The following DACH1 variants were observed in gnomAD, a reference collection of about 807,000 sequenced individuals.
The protein encoded by DACH1 is dachshund family transcription factor 1.
DACH1 carries 12 observed loss-of-function variants against 54.2 expected under a neutral mutation model. The ratio of observed to expected loss-of-function variants is 0.22; its 90% CI spans 0.14 to 0.36. The LOEUF (loss-of-function observed/expected upper bound fraction) is 0.36. DACH1 is among the 10% of genes least tolerant of loss of function. DACH1 has a pLI of 1.00. For missense variants in DACH1, 805 were observed against 929.8 expected (o/e 0.87, Z 1.75); for synonymous variants, 386 against 366.2 (o/e 1.05, Z -0.62).
chr13:71,532,585 G>A (rs1462313875), intron 6 of DACH1, among the ~76,000 whole-genome samples: 3 of 151,994 alleles, frequency 2.0e-5, no homozygotes, highest in Admixed American at 2.0e-4. Flanking sequence ...GAGATATTGG[G>A]GAGAACTGAA....
At chr13:71,497,896 A>T (rs1206231363) in intron 6 of DACH1, among the ~76,000 whole-genome samples, 1 of 150,534 alleles carries the variant, frequency 6.6e-6, no homozygotes, top group Non-Finnish European at 1.5e-5. Context: ...ACACACACAC[A>T]CACACAGATA....
intron 6 of DACH1, among the ~76,000 whole-genome samples, chr13:71,548,640 C>G (rs753305535): frequency 2.0e-5 from 3 of 152,088 alleles, no homozygotes. Context: ...CTTTCAGGCA[C>G]TGTGTGGTGC....
At chr13:71,603,885 A>G (rs930050751) in intron 3 of DACH1, among the ~76,000 whole-genome samples, 222 of 152,038 alleles carry the variant, frequency 1.5e-3, no homozygotes, top group African/African-American at 5.2e-3. Flanking sequence ...CTTTATTACA[A>G]AGGAGAATAA....
At chr13:71,807,486 G>C (rs1887553121) in intron 1 of DACH1, among the ~76,000 whole-genome samples, 1 of 148,868 alleles carries the variant, frequency 6.7e-6, no homozygotes. Context: ...ATTAACAACT[G>C]GGCAACTTCA....
intron 10 of DACH1, among the ~76,000 whole-genome samples, chr13:71,452,337 A>G (rs935155318): frequency 1.3e-5 from 2 of 152,090 alleles, no homozygotes; most frequent in Non-Finnish European, 2.9e-5. Context: ...CTTGTTGCCC[A>G]GGCTGGTCTC....
chr13:71,683,429 G>A (rs1289522265), intron 1 of DACH1, among the ~76,000 whole-genome samples: 1 of 152,092 alleles, frequency 6.6e-6, no homozygotes, highest in Non-Finnish European at 1.5e-5. Context: ...CAGTGAGAAT[G>A]TGAGAAATAA....
intron 1 of DACH1, among the ~76,000 whole-genome samples, chr13:71,815,273 G>C (rs977085405): frequency 1.4e-5 from 2 of 140,070 alleles, no homozygotes; most frequent in African/African-American, 5.1e-5. Context: ...AACCACCACA[G>C]ACTGTTTTCT....
chr13:71,763,296 T>C (rs906232112), intron 1 of DACH1, among the ~76,000 whole-genome samples: 1 of 152,210 alleles, frequency 6.6e-6, no homozygotes, highest in Non-Finnish European at 1.5e-5. Context: ...ACTTTTGAAA[T>C]TCAGGCAGTT....
chr13:71,807,905 C>G (rs1209074041), intron 1 of DACH1, among the ~76,000 whole-genome samples: 1 of 125,336 alleles, frequency 8.0e-6, no homozygotes, highest in Non-Finnish European at 2.0e-5. Flanking sequence ...TTTGCAGCCT[C>G]TACGATTACA....
intron 1 of DACH1, among the ~76,000 whole-genome samples, chr13:71,751,987 T>C (rs1012611361): frequency 2.0e-5 from 3 of 152,198 alleles, no homozygotes; most frequent in Non-Finnish European, 4.4e-5. Flanking sequence ...CTCTTGATTC[T>C]GTGAGTCCCT....
chr13:71,770,814 C>G (rs114925406), intron 1 of DACH1, among the ~76,000 whole-genome samples: 22 of 151,564 alleles, frequency 1.5e-4, no homozygotes, highest in African/African-American at 5.3e-4. Flanking sequence ...GGCAACAAAA[C>G]TATGTACAGA....
At chr13:71,753,096 G>A (rs1201622696) in intron 1 of DACH1, among the ~76,000 whole-genome samples, 2 of 152,174 alleles carry the variant, frequency 1.3e-5, no homozygotes, top group South Asian at 2.1e-4. Context: ...TAAAGGTGAA[G>A]CTATCCTGGC....
rs202209035 is a variant in DACH1, at chr13:71,533,770, AC to A, written c.1570+23253del. On this transcript the variant is annotated intron_variant, in intron 6 of 10. Coordinates refer to ENST00000613252, the MANE Select transcript of DACH1 (RefSeq NM_080759.6). ...CTCTGAGTGTGTGTCACACACACAA[AC>A]ACACACACACACACACACACTTTAC... 9.3e-3 allele frequency among the ~76,000 whole-genome samples: 1,200 copies of A among 128,962 alleles called. 16 individuals are homozygous for A. The highest frequency in any genetic ancestry group is 0.044 in the African/African-American group (1,117 of 25,176). 84.6% of individuals were successfully genotyped at this position (128,962 alleles called of 152,430 possible).
chr13:71,848,215 A>C (rs201781325), intron 1 of DACH1, among the ~76,000 whole-genome samples: 125 of 62,286 alleles, frequency 2.0e-3, no homozygotes, highest in East Asian at 0.016. Flanking sequence ...ATCCCCCCCC[A>C]AAAAAATGGT....
chr13:71,828,280 A>C (rs2138199933), intron 1 of DACH1, among the ~76,000 whole-genome samples: 1 of 152,096 alleles, frequency 6.6e-6, no homozygotes, highest in Middle Eastern at 3.4e-3. Context: ...ATCTTTCAAA[A>C]GTGTTAAGCT....
intron 10 of DACH1, among the ~76,000 whole-genome samples, chr13:71,469,552 T>C (rs1291774329): frequency 2.6e-5 from 4 of 152,172 alleles, no homozygotes; most frequent in Non-Finnish European, 5.9e-5. Context: ...CAACTGGACT[T>C]ACAGTCCTAG....
chr13:71,509,953 G>A (rs1880640917), intron 6 of DACH1, among the ~76,000 whole-genome samples: 1 of 151,866 alleles, frequency 6.6e-6, no homozygotes, highest in South Asian at 2.1e-4. Context: ...TTTATTCCCA[G>A]TTCTCTAGTA....
chr13:71,708,172 A>AAT (rs1424540464), intron 1 of DACH1, among the ~76,000 whole-genome samples: 2 of 152,028 alleles, frequency 1.3e-5, no homozygotes, highest in African/African-American at 4.8e-5. Flanking sequence ...GTGCATTTGA[A>AAT]ATATATAGTC....
chr13:71,601,500 GA>G (rs1874492043), intron 3 of DACH1, among the ~76,000 whole-genome samples: 1 of 151,950 alleles, frequency 6.6e-6, no homozygotes, highest in East Asian at 1.9e-4. Flanking sequence ...TAGTTAATAT[GA>G]ATTTTATGCT....
Sources: allele counts gnomAD v4.1 joint callset (sites outside exome capture counted in the v4.1 genomes callset), GRCh38; gene constraint gnomAD v4.1.1; transcripts MANE v1.5; gene names NCBI Gene and HGNC (gene_info 2026-07-23, HGNC 2026-07-21).